The following DOCK1 variants were observed in gnomAD, a reference collection of about 807,000 sequenced individuals.
DOCK1 encodes dedicator of cytokinesis protein 1.
DOCK1 carries 138 observed loss-of-function variants against 262.7 expected under a neutral mutation model. That is an observed-to-expected ratio of 0.53 (90% CI 0.46 to 0.61). The LOEUF is 0.61. Ranked by LOEUF, DOCK1 falls within the 20% of genes least tolerant of loss-of-function variation. DOCK1 has a pLI of 0.00. For missense variants in DOCK1, 1,908 were observed against 2,370.7 expected (o/e 0.80, Z 4.05); for synonymous variants, 866 against 867.4 (o/e 1.00, Z 0.03).
chr10:127,002,426 A>G (rs956765786), intron 10 of DOCK1, among the ~76,000 whole-genome samples: 1 of 152,196 alleles, frequency 6.6e-6, no homozygotes, highest in South Asian at 2.1e-4. Context: ...AATTTGGAAT[A>G]TTTTTCAGTT....
At chr10:127,119,495 T>C (rs1470518792) in intron 25 of DOCK1, among the ~76,000 whole-genome samples, 1 of 152,170 alleles carries the variant, frequency 6.6e-6, no homozygotes, top group Non-Finnish European at 1.5e-5. Context: ...CCGTCTTCTG[T>C]ATTTCTGTTG....
At position 127,403,478 on chromosome 10, in the gene DOCK1, G is replaced by C. The variant is rs778696384; in HGVS notation, c.4017+334G>C. Among the ~76,000 whole-genome samples, 136 of 152,326 alleles carry C rather than the reference G, an allele frequency of 8.9e-4. 2 individuals are homozygous for C. Among genetic ancestry groups the C allele is most frequent in the Middle Eastern group, 6.8e-3 (2 of 294 alleles). Reference sequence around the variant, plus strand: ...TTGTACTAGTTTAAAACTGACCCCAGGCCAGGCGCACTGGCTCACGCCTGT... The same window carrying C: ...TTGTACTAGTTTAAAACTGACCCCACGCCAGGCGCACTGGCTCACGCCTGT... On this transcript the variant is annotated intron_variant, in intron 39 of 51. Coordinates refer to ENST00000623213, the MANE Select transcript of DOCK1 (RefSeq NM_001290223.2).
chr10:126,912,139 G>A (rs2134020354), intron 1 of DOCK1, among the ~76,000 whole-genome samples: 1 of 152,186 alleles, frequency 6.6e-6, no homozygotes, highest in African/African-American at 2.4e-5. Flanking sequence ...TTCTTACAAG[G>A]CCACTATGGC....
At chr10:127,043,006 G>A in intron 20 of DOCK1, 58 bp from the exon 21 acceptor site, 1 of 1,346,588 alleles carries the variant, frequency 7.4e-7, no homozygotes, top group Non-Finnish European at 1.0e-6. Context: ...TTCTGATGAA[G>A]ATTATAAAAT....
At chr10:127,060,067 T>A (rs1260993600) in intron 22 of DOCK1, among the ~76,000 whole-genome samples, 1 of 152,136 alleles carries the variant, frequency 6.6e-6, no homozygotes, top group Non-Finnish European at 1.5e-5. Flanking sequence ...GATTTTCATC[T>A]GAGAGTCGGC....
In DOCK1 at chr10:126,998,561, C is replaced by T. The variant is rs78746155; in HGVS notation, c.767+312C>T. 6.4e-3 allele frequency: 1,450 copies of T among 228,292 alleles called. 17 individuals carry two copies. The highest frequency in any genetic ancestry group is 0.03 in the African/African-American group (1,366 of 45,184). 14.1% of individuals were successfully genotyped at this position (228,292 alleles called of 1,614,324 possible). On this transcript the variant is annotated intron_variant, in intron 8 of 51. Coordinates refer to ENST00000623213, the MANE Select transcript of DOCK1 (RefSeq NM_001290223.2). Reference sequence around the variant, plus strand: ...AATACTTTGTTTCCTAAGTTGTCTTCGTAAGATTTTATATATCCTGGTCCC... The same window carrying T: ...AATACTTTGTTTCCTAAGTTGTCTTTGTAAGATTTTATATATCCTGGTCCC...
Position 127,176,012 on chromosome 10 carries a change from T to C in DOCK1, c.2847+48248T>C. ...TAAAGGGATCTGCAGCTGGGAGGCT[T>C]TTGAGGTTCCCCTTTTTGCGGTCCA... On this transcript the variant is annotated intron_variant, in intron 27 of 51. Coordinates refer to ENST00000623213, the MANE Select transcript of DOCK1 (RefSeq NM_001290223.2). This position sits in a 1 kb window ranked among gnomAD's most constrained non-coding sequence, Gnocchi z 4.4. 4 of 1,614,162 alleles carry C rather than the reference T, an allele frequency of 2.5e-6. No homozygotes were observed. The highest frequency in any genetic ancestry group is 2.5e-6 in the Non-Finnish European group (3 of 1,180,030).
intron 29 of DOCK1, among the ~76,000 whole-genome samples, chr10:127,308,114 G>A (rs1200476975): frequency 6.6e-6 from 1 of 152,236 alleles, no homozygotes; most frequent in Non-Finnish European, 1.5e-5. Flanking sequence ...CTTCAATTCT[G>A]TTGATGTCTC....
intron 38 of DOCK1, among the ~76,000 whole-genome samples, chr10:127,391,362 A>G (rs757679718): frequency 1.3e-5 from 2 of 152,144 alleles, no homozygotes; most frequent in Non-Finnish European, 2.9e-5. Flanking sequence ...GGCAAATAGG[A>G]GAGAGGTAGA....
rs751966410 is a variant in DOCK1, at chr10:127,167,321, A to G, written c.2847+39557A>G. Reference sequence around the variant, plus strand: ...ATAAAAGCCATTAGTTTCAACAGAAAAAGAAAAGAAAATGGCTTCCCTGAA... The same window carrying G: ...ATAAAAGCCATTAGTTTCAACAGAAGAAGAAAAGAAAATGGCTTCCCTGAA... On this transcript the variant is annotated intron_variant, in intron 27 of 51. Transcript: ENST00000623213. Among the ~76,000 whole-genome samples, 19 of 152,208 alleles carry G rather than the reference A, an allele frequency of 1.2e-4. 1 individual carries two copies. Among genetic ancestry groups the G allele is most frequent in the Non-Finnish European group, 2.5e-4 (17 of 68,038 alleles).
At chr10:127,259,805 T>C (rs2059957587) in intron 29 of DOCK1, among the ~76,000 whole-genome samples, 1 of 151,394 alleles carries the variant, frequency 6.6e-6, no homozygotes, top group African/African-American at 2.4e-5. Flanking sequence ...TTTTTTTTTT[T>C]TTATAATTGA....
intron 29 of DOCK1, among the ~76,000 whole-genome samples, chr10:127,321,718 C>T (rs1232693561): frequency 7.2e-6 from 1 of 138,810 alleles, no homozygotes; most frequent in African/African-American, 3.0e-5. Context: ...CAAACCCCTC[C>T]CCCCGCCGCC....
At chr10:127,153,425 G>A (rs1393032796) in intron 27 of DOCK1, among the ~76,000 whole-genome samples, 1 of 152,152 alleles carries the variant, frequency 6.6e-6, no homozygotes, top group East Asian at 1.9e-4. Context: ...AGAGTTCCCA[G>A]GAAATGAAAT....
At position 127,014,261 on chromosome 10, in the gene DOCK1, C is replaced by G. The variant is rs534305273; in HGVS notation, c.1201+1887C>G. ...GTGAATTCATGAAGACTCCAGACATCTGGTTCTGTTGTTTGAGATAGAATG... is the reference window on the plus strand; with the variant it reads ...GTGAATTCATGAAGACTCCAGACATGTGGTTCTGTTGTTTGAGATAGAATG... On this transcript the variant is annotated intron_variant, in intron 12 of 51. Coordinates refer to ENST00000623213, the MANE Select transcript of DOCK1 (RefSeq NM_001290223.2). Among the ~76,000 whole-genome samples, 74 of 152,244 alleles carry G rather than the reference C, an allele frequency of 4.9e-4. 2 individuals carry two copies. Among genetic ancestry groups the G allele is most frequent in the Non-Finnish European group, 9.8e-4 (67 of 68,046 alleles).
chr10:127,212,178 A>G (rs2058010987), intron 27 of DOCK1, among the ~76,000 whole-genome samples: 1 of 152,062 alleles, frequency 6.6e-6, no homozygotes, highest in Admixed American at 6.5e-5. Context: ...CAGTTCACTG[A>G]TTTCTCAGAG....
rs535708958 is a variant in DOCK1, at chr10:127,175,061, C to A, written c.2847+47297C>A. 3.0e-6 allele frequency: 2 copies of A among 666,264 alleles called. No homozygotes were observed. The highest frequency in any genetic ancestry group is 5.3e-6 in the Non-Finnish European group (2 of 378,818). The allele number at this position is 666,264 out of a possible 1,614,324, so 41.3% of individuals were successfully genotyped here. ...ACGTCTAGTATCATAAAATAATCTG[C>A]GACCCCTTGGAGCTCGCCACGCCCT... is the stretch of plus-strand genomic sequence containing the variant. On this transcript the variant is annotated intron_variant, in intron 27 of 51. Transcript: ENST00000623213. The surrounding 1 kb of genome is among the most constrained non-coding windows in gnomAD (Gnocchi z 6.3).
intron 38 of DOCK1, among the ~76,000 whole-genome samples, chr10:127,398,768 C>T (rs1458491069): frequency 2.6e-5 from 4 of 152,186 alleles, no homozygotes; most frequent in Non-Finnish European, 5.9e-5. Flanking sequence ...GGTGAGTCAT[C>T]GCCAGCCTGA....
At chr10:127,450,123 C>T (rs144833740) in intron 51 of DOCK1, among the ~76,000 whole-genome samples, 8 of 152,240 alleles carry the variant, frequency 5.3e-5, no homozygotes, top group Middle Eastern at 3.4e-3. Flanking sequence ...GTTGTTTTAC[C>T]TTCCTTAATA....
intron 29 of DOCK1, among the ~76,000 whole-genome samples, chr10:127,321,213 C>T (rs2062505500): frequency 7.2e-6 from 1 of 138,388 alleles, no homozygotes; most frequent in African/African-American, 2.7e-5. Context: ...CTCTCTCCCT[C>T]TCCTCTCCTC....
Sources: allele counts gnomAD v4.1 joint callset (sites outside exome capture counted in the v4.1 genomes callset), GRCh38; gene constraint gnomAD v4.1.1; non-coding constraint Gnocchi (gnomAD v3.1); transcripts MANE v1.5; gene names NCBI Gene and HGNC (gene_info 2026-07-23, HGNC 2026-07-21).